Variants in ZFP64 observed in about 807,000 individuals in gnomAD.
The protein encoded by ZFP64 is zinc finger protein 64.
ZFP64 carries 14 observed loss-of-function variants against 51.6 expected under a neutral mutation model. That is an observed-to-expected ratio of 0.27 (90% CI 0.18 to 0.42). ZFP64 has a LOEUF of 0.42. Among genes scored for constraint, ZFP64 ranks in the 10% least tolerant of loss-of-function variants. ZFP64 has a pLI of 1.00. For missense variants in ZFP64, 754 were observed against 906.8 expected, an observed-to-expected ratio of 0.83 and a Z score of 2.16; for synonymous variants, 375 against 361.4, an observed-to-expected ratio of 1.04 and a Z score of -0.43.
At chr20:52,170,337 A>G (rs1982619153) in intron 2 of ZFP64, among the ~76,000 whole-genome samples, 1 of 152,092 alleles carries the variant, frequency 6.6e-6, no homozygotes, top group South Asian at 2.1e-4. Context: ...CTGTAGTCCC[A>G]GCTACTCAGG....
At chr20:52,108,384 G>T (rs570525678) in intron 5 of ZFP64, among the ~76,000 whole-genome samples, 1 of 152,122 alleles carries the variant, frequency 6.6e-6, no homozygotes, top group South Asian at 2.1e-4. Context: ...AAAACAAAGT[G>T]AAAATGATAA....
At chr20:52,184,383 C>T (rs1272742747) in intron 2 of ZFP64, among the ~76,000 whole-genome samples, 1 of 152,186 alleles carries the variant, frequency 6.6e-6, no homozygotes, top group African/African-American at 2.4e-5. Context: ...CTCTACTTCA[C>T]CACAGTCCCC....
intron 7 of ZFP64, among the ~76,000 whole-genome samples, chr20:52,092,375 G>A (rs539609806): frequency 2.0e-5 from 3 of 152,102 alleles, no homozygotes; most frequent in Non-Finnish European, 4.4e-5. Flanking sequence ...GTTCCCTTGG[G>A]GGGTGAAATC....
chr20:52,167,561 C>T (rs1032254040), intron 2 of ZFP64, among the ~76,000 whole-genome samples: 2 of 147,338 alleles, frequency 1.4e-5, no homozygotes, highest in African/African-American at 2.5e-5. Flanking sequence ...CTTCCCCTTC[C>T]CTCCCTCCCT....
At position 52,187,043 on chromosome 20, in the gene ZFP64, C is replaced by A; in HGVS notation, c.75G>T (p.Glu25Asp). The change falls in exon 2 of 6, where the codon GAG (glutamate) becomes GAT (aspartate). Residue 25 changes from glutamate (E) to aspartate (D), a missense_variant. By Grantham distance (45) the Glu-to-Asp change is conservative. This residue lies in a region of ZFP64 where 95 missense variants were observed against 97.7 expected (regional missense o/e 0.97). Transcript: ENST00000216923. Reference protein sequence around the residue: ...QIPGGTTVLVELTPDIHICGI... With the variant: ...QIPGGTTVLVDLTPDIHICGI... ...CGCAGATATGGATGTCGGGAGTCAG[C>A]TCCACCAGCACCGTTGTGCCACCTG... The A allele has an allele frequency of 6.2e-7, 1 of 1,611,096 alleles. No homozygotes were observed. The highest frequency in any genetic ancestry group is 8.5e-7 in the Non-Finnish European group (1 of 1,177,484).
At chr20:52,182,783 T>G (rs937410597) in intron 2 of ZFP64, among the ~76,000 whole-genome samples, 1 of 152,042 alleles carries the variant, frequency 6.6e-6, no homozygotes, top group East Asian at 1.9e-4. Flanking sequence ...GCTATTTGGT[T>G]GTGAGGTCAG....
chr20:52,115,490 C>G (rs1295436260), intron 5 of ZFP64, among the ~76,000 whole-genome samples: 1 of 150,132 alleles, frequency 6.7e-6, no homozygotes, highest in Non-Finnish European at 1.5e-5. Flanking sequence ...TCATGGCCCA[C>G]TGAAACCTTG....
chr20:52,156,122 A>T (rs1407835004), intron 5 of ZFP64, among the ~76,000 whole-genome samples: 1 of 152,228 alleles, frequency 6.6e-6, no homozygotes, highest in Non-Finnish European at 1.5e-5. Flanking sequence ...AGCTTCTCTA[A>T]CTTAGGCTGG....
intron 4 of ZFP64, among the ~76,000 whole-genome samples, chr20:52,164,462 C>G (rs1333164981): frequency 1.3e-5 from 2 of 152,164 alleles, no homozygotes; most frequent in East Asian, 3.8e-4. Flanking sequence ...AGTTCACATT[C>G]CCACTTAGCT....
At chr20:52,173,727 C>A (rs1328504034) in intron 2 of ZFP64, among the ~76,000 whole-genome samples, 1 of 151,804 alleles carries the variant, frequency 6.6e-6, no homozygotes, top group Non-Finnish European at 1.5e-5. Flanking sequence ...TGGCTCACAG[C>A]AACCTCCGCT....
intron 5 of ZFP64, among the ~76,000 whole-genome samples, chr20:52,100,237 C>T (rs1217331720): frequency 3.3e-5 from 5 of 151,654 alleles, no homozygotes; most frequent in Non-Finnish European, 7.4e-5. Context: ...GATCCACCCA[C>T]CTCGGCCTCC....
rs371253933 is a variant in ZFP64, at chr20:52,152,502, T to C, written c.1690A>G (p.Met564Val). ...SSRCPSEAGA[M>V]TQPAVLLTTH... ...GTCAGCAGGACAGCCGGCTGGGTCA[T>C]TGCGCCCGCCTCGCTCGGACACCGC... The change falls in exon 6 of 6, where the codon ATG becomes GTG. Residue 564 changes from methionine (M) to valine (V), a missense_variant. By Grantham distance (21) the Met-to-Val change is conservative. This residue lies in a region of ZFP64 where 428 missense variants were observed against 472.4 expected (regional missense o/e 0.91). Coordinates refer to ENST00000216923, the MANE Select transcript of ZFP64 (RefSeq NM_018197.3). The C allele has an allele frequency of 3.0e-5, 48 of 1,608,534 alleles. No individual in the cohort carries two copies. Among genetic ancestry groups the C allele is most frequent in the Non-Finnish European group, 3.7e-5 (44 of 1,177,738 alleles).
At chr20:52,128,755 T>C (rs1051911918) in intron 5 of ZFP64, among the ~76,000 whole-genome samples, 1 of 152,198 alleles carries the variant, frequency 6.6e-6, no homozygotes, top group African/African-American at 2.4e-5. Flanking sequence ...GATTTCCACC[T>C]GGTCTCCCAC....
intron 7 of ZFP64, among the ~76,000 whole-genome samples, chr20:52,093,405 G>A (rs1032236033): frequency 2.6e-5 from 4 of 152,218 alleles, no homozygotes; most frequent in Admixed American, 6.5e-5. Context: ...CTCTGAAAGT[G>A]CTGGGATTAC....
At chr20:52,158,521 C>T (rs542385789) in intron 5 of ZFP64, among the ~76,000 whole-genome samples, 4 of 152,172 alleles carry the variant, frequency 2.6e-5, no homozygotes, top group Admixed American at 1.3e-4. Flanking sequence ...GGCTGGGCAA[C>T]ATGGTGAAAT....
intron 5 of ZFP64, among the ~76,000 whole-genome samples, chr20:52,142,805 A>T (rs1268623924): frequency 8.4e-6 from 1 of 118,882 alleles, no homozygotes; most frequent in Non-Finnish European, 1.7e-5. Context: ...ATGCCATTGC[A>T]CTCCACCCTG....
chr20:52,169,480 C>G (rs1250228666), intron 2 of ZFP64, among the ~76,000 whole-genome samples: 1 of 152,084 alleles, frequency 6.6e-6, no homozygotes, highest in Non-Finnish European at 1.5e-5. Flanking sequence ...GTGGCCAGGT[C>G]CTCCCTACAA....
At chr20:52,184,080 C>T (rs1983794255) in intron 2 of ZFP64, among the ~76,000 whole-genome samples, 1 of 152,138 alleles carries the variant, frequency 6.6e-6, no homozygotes, top group East Asian at 1.9e-4. Flanking sequence ...GAAATCCTGA[C>T]CTCAAGTGAT....
intron 5 of ZFP64, among the ~76,000 whole-genome samples, chr20:52,129,796 C>G (rs1979633958): frequency 6.6e-6 from 1 of 152,228 alleles, no homozygotes. Flanking sequence ...GTCTGCCTAA[C>G]TAGACTGTAA....
Sources: allele counts gnomAD v4.1 joint callset (sites outside exome capture counted in the v4.1 genomes callset), GRCh38; gene constraint gnomAD v4.1.1; regional missense constraint gnomAD v4.1.1; transcripts MANE v1.5; gene names NCBI Gene and HGNC (gene_info 2026-07-23, HGNC 2026-07-21).